NEK1: variants seen among roughly 807,000 people sequenced by gnomAD.
NEK1 encodes serine/threonine-protein kinase Nek1.
A neutral mutation model predicts 182.1 loss-of-function variants in NEK1; 137 were observed. The observed-to-expected ratio is 0.75, with a 90% CI of 0.65 to 0.87. The LOEUF is 0.87. NEK1 is among the 40% of genes least tolerant of loss of function. The probability of loss-of-function intolerance (pLI) is 0.00; values close to 1 mark genes in which losing one functional copy is unlikely to be tolerated. For synonymous variants in NEK1, 513 were observed against 492.2 expected, an observed-to-expected ratio of 1.04 and a Z score of -0.56; for missense variants, 1,391 against 1,494.4, an observed-to-expected ratio of 0.93 and a Z score of 1.14.
chr4:169,510,821 C>T (rs1018324084), intron 19 of NEK1, among the ~76,000 whole-genome samples: 4 of 152,114 alleles, frequency 2.6e-5, no homozygotes, highest in Admixed American at 6.5e-5. Context: ...CATGATCTCA[C>T]TCATCCTCTT....
chr4:169,569,893 T>C (rs1180021170), intron 12 of NEK1, among the ~76,000 whole-genome samples: 15 of 152,170 alleles, frequency 9.9e-5, no homozygotes, highest in African/African-American at 2.2e-4. Flanking sequence ...GCCGAGATTG[T>C]AGCCTCTGCC....
chr4:169,404,359 G>A (rs1361847552), intron 32 of NEK1, among the ~76,000 whole-genome samples: 1 of 151,992 alleles, frequency 6.6e-6, no homozygotes, highest in East Asian at 1.9e-4. Flanking sequence ...AAATGAAAAA[G>A]GCAATCTTTT....
At chr4:169,590,030 A>G (rs1029476457) in intron 6 of NEK1, among the ~76,000 whole-genome samples, 5 of 152,182 alleles carry the variant, frequency 3.3e-5, no homozygotes, top group Non-Finnish European at 7.4e-5. Context: ...AAAAGGGGCC[A>G]GGCGCAGTGG....
At chr4:169,574,336 C>T (rs1765343856) in intron 12 of NEK1, among the ~76,000 whole-genome samples, 1 of 152,098 alleles carries the variant, frequency 6.6e-6, no homozygotes, top group Non-Finnish European at 1.5e-5. Flanking sequence ...TGGCTCATGC[C>T]CGTAATCCCA....
At chr4:169,410,244 G>A (rs1733433254) in intron 31 of NEK1, among the ~76,000 whole-genome samples, 1 of 151,522 alleles carries the variant, frequency 6.6e-6, no homozygotes, top group Admixed American at 6.6e-5. Flanking sequence ...CTAGCATTTG[G>A]TACCATTATA....
At chr4:169,478,977 C>T (rs1747480306) in intron 24 of NEK1, among the ~76,000 whole-genome samples, 1 of 152,162 alleles carries the variant, frequency 6.6e-6, no homozygotes, top group Non-Finnish European at 1.5e-5. Flanking sequence ...AGTCCTCTAA[C>T]ATTTGCCATG....
intron 19 of NEK1, among the ~76,000 whole-genome samples, chr4:169,515,151 CT>C (rs1413461537): frequency 6.6e-6 from 1 of 152,104 alleles, no homozygotes; most frequent in Non-Finnish European, 1.5e-5. Flanking sequence ...CTTCCTGCTA[CT>C]GATTTCTAGT....
intron 23 of NEK1, among the ~76,000 whole-genome samples, chr4:169,494,002 G>A (rs558896910): frequency 2.6e-5 from 4 of 152,064 alleles, no homozygotes; most frequent in African/African-American, 9.6e-5. Context: ...AGACAATCCA[G>A]GGTCAATGTG....
chr4:169,467,990 G>C (rs1379835585), intron 26 of NEK1, among the ~76,000 whole-genome samples: 2 of 151,764 alleles, frequency 1.3e-5, no homozygotes, highest in Non-Finnish European at 2.9e-5. Context: ...TACAGATTAA[G>C]AGGAAAAAAA....
At chr4:169,527,104 T>C (rs978124527) in intron 19 of NEK1, among the ~76,000 whole-genome samples, 2 of 152,122 alleles carry the variant, frequency 1.3e-5, no homozygotes, top group African/African-American at 4.8e-5. Context: ...AGAAAAAGCA[T>C]TTGAACATTC....
At chr4:169,603,879 T>C (rs1056602628) in intron 2 of NEK1, among the ~76,000 whole-genome samples, 27 of 152,096 alleles carry the variant, frequency 1.8e-4, no homozygotes, top group Admixed American at 6.6e-5. Flanking sequence ...CTAATTTTTG[T>C]ATTTTTAGTA....
intron 12 of NEK1, among the ~76,000 whole-genome samples, chr4:169,573,590 A>C (rs1249983122): frequency 6.6e-6 from 1 of 152,186 alleles, no homozygotes; most frequent in Non-Finnish European, 1.5e-5. Flanking sequence ...AATTATTATA[A>C]ATGAATATGG....
intron 26 of NEK1, among the ~76,000 whole-genome samples, chr4:169,464,377 G>A (rs985557678): frequency 1.6e-4 from 25 of 152,110 alleles, no homozygotes; most frequent in African/African-American, 5.8e-4. Flanking sequence ...AATATCAGAA[G>A]CAGCTGAGGG....
intron 18 of NEK1, among the ~76,000 whole-genome samples, chr4:169,542,966 T>G (rs1759718362): frequency 6.6e-6 from 1 of 152,228 alleles, no homozygotes; most frequent in Non-Finnish European, 1.5e-5. Flanking sequence ...TAGTTGCTTT[T>G]GCTGTGCAGA....
At chr4:169,539,282 A>G (rs574488364) in intron 18 of NEK1, among the ~76,000 whole-genome samples, 89 of 152,342 alleles carry the variant, frequency 5.8e-4, no homozygotes, top group African/African-American at 2.1e-3. Context: ...TCTGAGATTA[A>G]TAACGCATAT....
intron 23 of NEK1, among the ~76,000 whole-genome samples, chr4:169,487,126 C>T (rs1214668613): frequency 1.3e-5 from 2 of 152,104 alleles, no homozygotes; most frequent in African/African-American, 4.8e-5. Context: ...GTATATACTG[C>T]CAAAGAATCA....
intron 35 of NEK1, among the ~76,000 whole-genome samples, chr4:169,397,031 G>T (rs1730843885): frequency 6.6e-6 from 1 of 152,136 alleles, no homozygotes; most frequent in African/African-American, 2.4e-5. Flanking sequence ...AGGAGTTTGA[G>T]ATCAACATGG....
intron 18 of NEK1, among the ~76,000 whole-genome samples, chr4:169,548,989 A>G (rs1162462630): frequency 6.6e-6 from 1 of 152,036 alleles, no homozygotes; most frequent in African/African-American, 2.4e-5. Context: ...GTTATGTCTC[A>G]CTGGTGTTCC....
chr4:169,444,283 C>T (rs549653822), intron 27 of NEK1, among the ~76,000 whole-genome samples: 11 of 152,070 alleles, frequency 7.2e-5, no homozygotes, highest in African/African-American at 2.7e-4. Flanking sequence ...TCAATAATAA[C>T]CTCTAATATA....
Sources: gnomAD v4.1 joint callset for allele counts (sites outside exome capture counted in the v4.1 genomes callset) on GRCh38, gnomAD v4.1.1 for gene constraint, MANE v1.5 for transcripts, NCBI Gene and HGNC (gene_info 2026-07-23, HGNC 2026-07-21) for gene names.